NAV1: variants seen among roughly 807,000 people sequenced by gnomAD.
NAV1 encodes the protein pore membrane and/or filament interacting like protein 3.
Under a neutral mutation model 175.2 loss-of-function variants are expected in NAV1, and 18 were observed. The ratio of observed to expected loss-of-function variants is 0.10; its 90% CI spans 0.07 to 0.15. The LOEUF is 0.15. Among genes scored for constraint, NAV1 ranks in the 10% least tolerant of loss-of-function variants. The pLI, the probability that NAV1 is intolerant of heterozygous loss-of-function variation, is 1.00. For missense variants in NAV1, 1,731 were observed against 2,436.6 expected (o/e 0.71, Z 6.10); for synonymous variants, 897 against 978.7 (o/e 0.92, Z 1.56).
At chr1:201,618,879 G>A (rs1668076603), upstream of NAV1, among the ~76,000 whole-genome samples, 1 of 152,156 alleles carries the variant, frequency 6.6e-6, no homozygotes, top group Non-Finnish European at 1.5e-5. Flanking sequence ...GAATACCTGT[G>A]GGTTCTCACT....
chr1:201,819,259 T>A (rs561714434), intron 29 of NAV1, among the ~76,000 whole-genome samples: 1 of 152,286 alleles, frequency 6.6e-6, no homozygotes, highest in East Asian at 1.9e-4. Context: ...CAGGCAGAAG[T>A]GGTCTCATTC....
chr1:201,643,045 A>G (rs1013089440), intron 2 of NAV1, among the ~76,000 whole-genome samples: 7 of 151,742 alleles, frequency 4.6e-5, no homozygotes, highest in Admixed American at 2.0e-4. Context: ...AAGTGCTGGG[A>G]TTACAGGTGT....
chr1:201,669,048 C>G (rs535746518), intron 1 of NAV1, among the ~76,000 whole-genome samples: 1 of 152,162 alleles, frequency 6.6e-6, no homozygotes, highest in Non-Finnish European at 1.5e-5. Flanking sequence ...CTTTGGGACC[C>G]TGTGTAGCAC....
chr1:201,770,174 G>A (rs934881457), intron 3 of NAV1, among the ~76,000 whole-genome samples: 4 of 152,214 alleles, frequency 2.6e-5, no homozygotes, highest in Non-Finnish European at 5.9e-5. Context: ...CAAGAACTAC[G>A]TTAGTGTTGG....
At chr1:201,564,118 G>A (rs1666283343) in intron 1 of NAV1, among the ~76,000 whole-genome samples, 1 of 132,758 alleles carries the variant, frequency 7.5e-6, no homozygotes, top group Non-Finnish European at 1.5e-5. Context: ...AAAGAAGAAA[G>A]GAAAGAAGGA....
At chr1:201,672,241 A>G (rs558102316) in intron 1 of NAV1, among the ~76,000 whole-genome samples, 1 of 152,374 alleles carries the variant, frequency 6.6e-6, no homozygotes, top group South Asian at 2.1e-4. Flanking sequence ...AATACTATGC[A>G]CAATATATTT....
chr1:201,577,907 T>G (rs1241851714), intron 1 of NAV1, among the ~76,000 whole-genome samples: 1 of 152,216 alleles, frequency 6.6e-6, no homozygotes, highest in Non-Finnish European at 1.5e-5. Context: ...GGTTTCCTGT[T>G]TCTCTTCCTG....
chr1:201,731,433 C>G (rs1295272297), intron 3 of NAV1, among the ~76,000 whole-genome samples: 3 of 152,084 alleles, frequency 2.0e-5, no homozygotes, highest in African/African-American at 7.2e-5. Context: ...ACCTTGTGCT[C>G]AGCCTGAGGG....
chr1:201,798,343 G>A (rs1481483988), intron 15 of NAV1: 1 of 152,110 alleles, frequency 6.6e-6, no homozygotes, highest in Non-Finnish European at 1.5e-5. Context: ...TATCAGTTAA[G>A]ATCAGAAATT....
intron 1 of NAV1, among the ~76,000 whole-genome samples, chr1:201,540,117 G>A (rs965881521): frequency 6.6e-6 from 1 of 152,242 alleles, no homozygotes; most frequent in Admixed American, 6.5e-5. Context: ...GCAGCGGGCA[G>A]AGGGGAGGCA....
intron 15 of NAV1, 166 bp downstream of exon 19, chr1:201,794,743 AC>A: frequency 1.5e-6 from 1 of 660,052 alleles, no homozygotes; most frequent in Non-Finnish European, 2.6e-6. Context: ...AGTGAGGAGT[AC>A]CAGGGGCATG....
intron 15 of NAV1, chr1:201,798,695 C>CTTTTTTTTTTTTTTTTT (rs764483919): frequency 2.9e-5 from 2 of 69,476 alleles, no homozygotes; most frequent in African/African-American, 6.0e-5. Context: ...TTTTCTCTCT[C>CTTTTTTTTTTTTTTTTT]TTTTTTTTTT....
At chr1:201,803,234 A>G (rs1223642434) in intron 15 of NAV1, among the ~76,000 whole-genome samples, 1 of 152,180 alleles carries the variant, frequency 6.6e-6, no homozygotes, top group Non-Finnish European at 1.5e-5. Context: ...CCAGATAGCT[A>G]AGTATTGCTA....
chr1:201,718,455 A>G lies in NAV1; in HGVS notation c.926A>G (p.Asn309Ser), dbSNP rs1571904470. Reference sequence around the variant, plus strand: ...CCACGCAGCGTGTCCAGCCTCTCCAACCGCTCGTCCCCTCTGTCATGGCGC... The same window carrying G: ...CCACGCAGCGTGTCCAGCCTCTCCAGCCGCTCGTCCCCTCTGTCATGGCGC... The change falls in exon 3 of 30, where the codon AAC (asparagine) becomes AGC (serine). Residue 309 changes from asparagine (N) to serine (S), a missense_variant. Physicochemically the swap from Asn to Ser is conservative, Grantham distance 46. Transcript: ENST00000367296. This position sits in a 1 kb window ranked among gnomAD's most constrained non-coding sequence, Gnocchi z 4.8. 7 of 1,572,270 alleles carry G rather than the reference A, an allele frequency of 4.5e-6. No individual in the cohort carries two copies. The highest frequency in any genetic ancestry group is 6.1e-6 in the Non-Finnish European group (7 of 1,153,022).
chr1:201,780,720 A>G (rs114827538), intron 4 of NAV1, among the ~76,000 whole-genome samples, 161 bp downstream of exon 8: 1 of 152,064 alleles, frequency 6.6e-6, no homozygotes, highest in South Asian at 2.1e-4. Context: ...CCCCTCCCAA[A>G]AAAAGCTAAG....
chr1:201,797,592 AG>A (rs1677539372), intron 15 of NAV1: 17 of 152,234 alleles, frequency 1.1e-4, no homozygotes, highest in Admixed American at 6.5e-5. Context: ...ATATCAATTT[AG>A]AGAGTATTGC....
chr1:201,823,875 A>G (rs1000684703), exon 30 of NAV1: 3 of 152,074 alleles, frequency 2.0e-5, no homozygotes, highest in African/African-American at 2.4e-5. Flanking sequence ...ACTATTTCCT[A>G]AAGTATTCTA....
intron 3 of NAV1, among the ~76,000 whole-genome samples, chr1:201,771,241 A>G (rs1675561828): frequency 1.3e-5 from 2 of 150,890 alleles, no homozygotes; most frequent in Non-Finnish European, 3.0e-5. Context: ...TCCGTCTCAA[A>G]AAAAAAAAAA....
At chr1:201,678,792 C>T (rs1313761887) in intron 1 of NAV1, among the ~76,000 whole-genome samples, 4 of 152,186 alleles carry the variant, frequency 2.6e-5, no homozygotes, top group South Asian at 4.2e-4. Context: ...ACACCTCCCT[C>T]TGTCTGTCCC....
Sources: allele counts gnomAD v4.1 joint callset (sites outside exome capture counted in the v4.1 genomes callset), GRCh38; gene constraint gnomAD v4.1.1; non-coding constraint Gnocchi (gnomAD v3.1); transcripts MANE v1.5; gene names NCBI Gene and HGNC (gene_info 2026-07-23, HGNC 2026-07-21).